The following TPD52L1 variants were observed in gnomAD, a reference collection of about 807,000 sequenced individuals.
TPD52L1 encodes TPD52 like 1, also known as tumor protein D53.
A neutral mutation model predicts 28.7 loss-of-function variants in TPD52L1; 18 were observed. The observed-to-expected ratio is 0.63, with a 90% CI of 0.43 to 0.93. The LOEUF (loss-of-function observed/expected upper bound fraction) is 0.93, where lower values mean the gene tolerates loss of function less well. Ranked by LOEUF, TPD52L1 falls within the 40% of genes least tolerant of loss-of-function variation. TPD52L1 has a pLI of 0.00. For missense variants in TPD52L1, 203 were observed against 254.8 expected (o/e 0.80, Z 1.39); for synonymous variants, 75 against 88.8 (o/e 0.84, Z 0.88).
chr6:125,260,975 A>AAGGG (rs1797945076), intron 6 of TPD52L1: 1 of 44,446 alleles, frequency 2.2e-5, no homozygotes, highest in South Asian at 9.2e-4. Context: ...AAAGAAAGAA[A>AAGGG]GAAAAGAAAA....
intron 1 of TPD52L1, chr6:125,209,062 T>G (rs1794341731): frequency 1.7e-6 from 1 of 602,020 alleles, no homozygotes; most frequent in South Asian, 7.4e-5. Context: ...TACACAGCCT[T>G]GATCTCTGAT....
chr6:125,256,865 A>C (rs2115059855), intron 5 of TPD52L1, among the ~76,000 whole-genome samples: 1 of 152,390 alleles, frequency 6.6e-6, no homozygotes, highest in South Asian at 2.1e-4. Flanking sequence ...CATATTATTT[A>C]CTGTATTGTG....
At chr6:125,215,002 G>T (rs555974037) in intron 1 of TPD52L1, among the ~76,000 whole-genome samples, 37 of 152,226 alleles carry the variant, frequency 2.4e-4, no homozygotes, top group African/African-American at 7.9e-4. Flanking sequence ...GCCAGACAGG[G>T]GGCCACAGTT....
At chr6:125,186,720 C>T (rs1175457552) in intron 1 of TPD52L1, among the ~76,000 whole-genome samples, 1 of 152,172 alleles carries the variant, frequency 6.6e-6, no homozygotes, top group Non-Finnish European at 1.5e-5. Flanking sequence ...CATAGCTAAG[C>T]ACTATGTGAC....
intron 1 of TPD52L1, among the ~76,000 whole-genome samples, chr6:125,216,539 A>G (rs1340785342): frequency 6.8e-4 from 47 of 69,158 alleles, no homozygotes; most frequent in South Asian, 6.6e-3. Flanking sequence ...GTATATATAT[A>G]TATATATATA....
At chr6:125,170,099 GGACA>G (rs1791191243) in intron 1 of TPD52L1, among the ~76,000 whole-genome samples, 1 of 152,008 alleles carries the variant, frequency 6.6e-6, no homozygotes, top group South Asian at 2.1e-4. Flanking sequence ...AGATCTGTTG[GGACA>G]GACAGTTATC....
At chr6:125,173,322 A>C (rs940083970) in intron 1 of TPD52L1, among the ~76,000 whole-genome samples, 2 of 152,218 alleles carry the variant, frequency 1.3e-5, no homozygotes, top group Non-Finnish European at 2.9e-5. Flanking sequence ...ACACGGTCCA[A>C]GGAATGGTTT....
At chr6:125,212,708 C>T (rs1794601401) in intron 1 of TPD52L1, among the ~76,000 whole-genome samples, 1 of 152,184 alleles carries the variant, frequency 6.6e-6, no homozygotes, top group East Asian at 1.9e-4. Context: ...GGGACTGAGC[C>T]CCAGGTCCCA....
At position 125,211,667 on chromosome 6, in the gene TPD52L1, A is replaced by C. The variant is rs114761470; in HGVS notation, c.20-8411A>C. 4.1e-3 allele frequency among the ~76,000 whole-genome samples: 632 copies of C among 152,332 alleles called. 4 individuals are homozygous for C. Among genetic ancestry groups the C allele is most frequent in the African/African-American group, 0.014 (576 of 41,578 alleles). ...AAACTCTTTCAGCATGTCACGCATT[A>C]GAGTTCACACATTAGATTTCAAGCA... On this transcript the variant is annotated intron_variant, in intron 1 of 6. Transcript: ENST00000534000.
At chr6:125,250,502 A>G (rs1344443125) in intron 4 of TPD52L1, among the ~76,000 whole-genome samples, 5 of 152,228 alleles carry the variant, frequency 3.3e-5, no homozygotes, top group African/African-American at 1.2e-4. Flanking sequence ...GACATGTATT[A>G]TGCACTCAAA....
chr6:125,233,033 CAA>C (rs1456227944), intron 3 of TPD52L1, among the ~76,000 whole-genome samples: 1 of 152,020 alleles, frequency 6.6e-6, no homozygotes, highest in Non-Finnish European at 1.5e-5. Context: ...TCAGGAAATA[CAA>C]CTTTATGGTG....
At chr6:125,171,924 G>A (rs1369254036) in intron 1 of TPD52L1, among the ~76,000 whole-genome samples, 7 of 150,654 alleles carry the variant, frequency 4.6e-5, no homozygotes, top group African/African-American at 1.5e-4. Flanking sequence ...GGAGAGGATG[G>A]GATGTATATT....
At chr6:125,256,563 G>C (rs1049840208) in intron 5 of TPD52L1, among the ~76,000 whole-genome samples, 1 of 151,964 alleles carries the variant, frequency 6.6e-6, no homozygotes, top group Non-Finnish European at 1.5e-5. Context: ...ATTTTTTTAA[G>C]GCATGGAAAA....
At chr6:125,162,040 T>C (rs1022314624) in intron 1 of TPD52L1, among the ~76,000 whole-genome samples, 1 of 152,216 alleles carries the variant, frequency 6.6e-6, no homozygotes, top group Non-Finnish European at 1.5e-5. Context: ...TATTTAAAAT[T>C]TTGTATTGAA....
chr6:125,260,195 ATAGAG>A (rs1797830385), intron 6 of TPD52L1: 1 of 152,200 alleles, frequency 6.6e-6, no homozygotes. Flanking sequence ...GGAACTATTA[ATAGAG>A]TAGATTACAT....
rs1923121 is a variant in TPD52L1 at position 125,192,244 on chromosome 6, G to A, written c.20-27834G>A. 5.4e-3 allele frequency among the ~76,000 whole-genome samples: 820 copies of A among 152,172 alleles called. 6 individuals carry two copies. The highest frequency in any genetic ancestry group is 0.019 in the African/African-American group (774 of 41,516). ...TTTAATGCCAAGAGTTTCAGAACCC[G>A]GCTGACCTGAGCAGAATAAAGTTCT... On this transcript the variant is annotated intron_variant, in intron 1 of 6. Transcript: ENST00000534000.
intron 1 of TPD52L1, among the ~76,000 whole-genome samples, chr6:125,188,826 C>T (rs1328494364): frequency 6.6e-6 from 1 of 152,172 alleles, no homozygotes; most frequent in African/African-American, 2.4e-5. Context: ...ACTGGAGAGA[C>T]AGTTGCTCAG....
At chr6:125,188,095 T>A (rs1792769118) in intron 1 of TPD52L1, among the ~76,000 whole-genome samples, 1 of 152,200 alleles carries the variant, frequency 6.6e-6, no homozygotes, top group South Asian at 2.1e-4. Flanking sequence ...GAGTATCCCA[T>A]AGTTAGCCAA....
intron 1 of TPD52L1, among the ~76,000 whole-genome samples, chr6:125,218,492 C>T (rs1013642790): frequency 1.3e-5 from 2 of 152,116 alleles, no homozygotes; most frequent in Admixed American, 6.6e-5. Flanking sequence ...CTGTATATAT[C>T]GGGAACAAAT....
Sources: allele counts gnomAD v4.1 joint callset (sites outside exome capture counted in the v4.1 genomes callset), GRCh38; gene constraint gnomAD v4.1.1; transcripts MANE v1.5; gene names NCBI Gene and HGNC (gene_info 2026-07-23, HGNC 2026-07-21).